The following CDKL5 variants were observed in gnomAD, a reference collection of about 807,000 sequenced individuals.
CDKL5 encodes the protein cyclin-dependent kinase-like 5.
In CDKL5, 8 loss-of-function variants were observed where a neutral mutation model predicts 61.7. The ratio of observed to expected loss-of-function variants is 0.13; its 90% CI spans 0.08 to 0.23. CDKL5 has a LOEUF of 0.23. CDKL5 is among the 10% of genes least tolerant of loss of function. The pLI is 1.00. For missense variants in CDKL5, 440 were observed against 734.5 expected (o/e 0.60, Z 4.63); for synonymous variants, 275 against 272.3 (o/e 1.01, Z -0.10).
At chrX:18,646,019 A>G (rs1268843837) in exon 20 of CDKL5, 1 of 1,209,969 alleles carries the variant, frequency 8.3e-7, no homozygotes, top group Non-Finnish European at 1.1e-6. Flanking sequence ...GGTGGATGTG[A>G]TGGCAGAAGA....
intron 17 of CDKL5, 26 bp from the exon 18 acceptor site, chrX:18,628,345 G>A: frequency 8.3e-7 from 1 of 1,203,983 alleles, no homozygotes; most frequent in Non-Finnish European, 1.1e-6. Flanking sequence ...CTTGAATCCT[G>A]TGTGCATTCT....
intron 1 of CDKL5, among the ~76,000 whole-genome samples, chrX:18,442,713 C>T (rs990459990): frequency 8.1e-5 from 9 of 111,186 alleles, no homozygotes; most frequent in Non-Finnish European, 1.5e-4. Context: ...CCAGGATGAT[C>T]TCAATCTCTT....
chrX:18,475,671 T>A (rs1321310791), intron 1 of CDKL5, among the ~76,000 whole-genome samples: 3 of 112,494 alleles, frequency 2.7e-5, no homozygotes, highest in African/African-American at 9.7e-5. Flanking sequence ...CTTTTTCCTG[T>A]CAAATATTAT....
intron 1 of CDKL5, among the ~76,000 whole-genome samples, chrX:18,474,574 A>G (rs1308976847): frequency 3.6e-5 from 4 of 112,425 alleles, no homozygotes; most frequent in African/African-American, 1.3e-4. Flanking sequence ...AACAATAATC[A>G]AACACACCTT....
chrX:18,589,618 T>A (rs1018412866), intron 9 of CDKL5: 4 of 111,874 alleles, frequency 3.6e-5, no homozygotes, highest in African/African-American at 1.3e-4. Flanking sequence ...CATGTGTCTT[T>A]ATAGCAGCAT....
chrX:18,568,948 G>T (rs1234496302), intron 4 of CDKL5, among the ~76,000 whole-genome samples: 2 of 111,386 alleles, frequency 1.8e-5, no homozygotes, highest in African/African-American at 3.3e-5. Context: ...TCCTGCCTCA[G>T]CCTCCCAAAA....
rs1038135125 is a variant in CDKL5 at position 18,638,348 on chromosome X, A to C, written c.*9591A>C. ...TATATTTTACCGCAATTTTTAAACA[A>C]ACTCCAGTGTAGACCGTGCTCTAGC... On this transcript the variant is annotated 3_prime_UTR_variant, in exon 18 of 18. Transcript: ENST00000623535. The C allele has an allele frequency of 2.7e-5, 3 of 112,377 alleles. No homozygotes were observed. Among genetic ancestry groups the C allele is most frequent in the African/African-American group, 9.7e-5 (3 of 30,889 alleles). 9.3% of individuals were successfully genotyped at this position (112,377 alleles called of 1,213,427 possible). A position where few individuals can be genotyped will look rare whatever the true frequency, so the allele number is the denominator to read the frequency against.
At chrX:18,563,569 C>A (rs1300870990) in intron 3 of CDKL5, among the ~76,000 whole-genome samples, 1 of 111,332 alleles carries the variant, frequency 9.0e-6, no homozygotes, top group Non-Finnish European at 1.9e-5. Context: ...ATAGCACTTG[C>A]CTGGTATTGT....
At chrX:18,454,737 G>A (rs927744538) in intron 1 of CDKL5, among the ~76,000 whole-genome samples, 1 of 109,439 alleles carries the variant, frequency 9.1e-6, no homozygotes. Context: ...TACATTTTTA[G>A]TAGAGATGAG....
chrX:18,518,428 CAG>C (rs1429942553), intron 3 of CDKL5, among the ~76,000 whole-genome samples: 3 of 32,819 alleles, frequency 9.1e-5, no homozygotes, highest in African/African-American at 3.3e-4. Context: ...TTTTTTGTGA[CAG>C]AGTCTCGCTC....
At chrX:18,504,161 G>A (rs1417074972) in intron 1 of CDKL5, among the ~76,000 whole-genome samples, 1 of 109,302 alleles carries the variant, frequency 9.1e-6, no homozygotes, top group African/African-American at 3.3e-5. Flanking sequence ...GCTAGTGTCC[G>A]GTGGCGCAAT....
intron 20 of CDKL5, among the ~76,000 whole-genome samples, chrX:18,649,111 C>T (rs935105236): frequency 9.1e-6 from 1 of 110,278 alleles, no homozygotes; most frequent in African/African-American, 3.3e-5. Context: ...TAACTCCCTA[C>T]CCCTAATTTT....
At chrX:18,513,489 T>TA (rs369731381) in intron 3 of CDKL5, among the ~76,000 whole-genome samples, 73 of 106,844 alleles carry the variant, frequency 6.8e-4, no homozygotes, top group Admixed American at 2.6e-3. Context: ...ATAGATAACT[T>TA]AAAAAAAAAA....
At chrX:18,468,818 C>G (rs143769477) in intron 1 of CDKL5, among the ~76,000 whole-genome samples, 43 of 111,201 alleles carry the variant, frequency 3.9e-4, no homozygotes, top group African/African-American at 1.3e-3. Context: ...GTGCTCAGAT[C>G]TCGTATTGAA....
chrX:18,436,423 T>C (rs1251896386), intron 1 of CDKL5, among the ~76,000 whole-genome samples: 1 of 110,901 alleles, frequency 9.0e-6, no homozygotes, highest in African/African-American at 3.3e-5. Flanking sequence ...CAGGGTAGGG[T>C]TGGAGAGTCT....
intron 1 of CDKL5, among the ~76,000 whole-genome samples, chrX:18,451,336 C>T (rs1436242931): frequency 9.1e-6 from 1 of 110,138 alleles, no homozygotes; most frequent in Non-Finnish European, 1.9e-5. Context: ...GGATTACAGG[C>T]GCCCGCCACC....
intron 3 of CDKL5, among the ~76,000 whole-genome samples, chrX:18,531,346 C>T (rs1474238494): frequency 8.9e-6 from 1 of 112,429 alleles, no homozygotes. Context: ...AATTAATTTT[C>T]CTTGTGTCTT....
intron 1 of CDKL5, among the ~76,000 whole-genome samples, chrX:18,498,693 T>G (rs1922270054): frequency 8.9e-6 from 1 of 112,627 alleles, no homozygotes; most frequent in Non-Finnish European, 1.9e-5. Flanking sequence ...TTTCCAAACA[T>G]AAGAATTATT....
chrX:18,459,398 A>G (rs964637628), intron 1 of CDKL5, among the ~76,000 whole-genome samples: 12 of 109,471 alleles, frequency 1.1e-4, no homozygotes, highest in African/African-American at 4.0e-4. Context: ...TCTCTACTAA[A>G]AATACAAAAA....
Sources: allele counts gnomAD v4.1 joint callset (sites outside exome capture counted in the v4.1 genomes callset), GRCh38; gene constraint gnomAD v4.1.1; transcripts MANE v1.5; gene names NCBI Gene and HGNC (gene_info 2026-07-23, HGNC 2026-07-21).